MLLT3: variants seen among roughly 807,000 people sequenced by gnomAD.
MLLT3 encodes MLLT3 super elongation complex subunit.
A neutral mutation model predicts 53.2 loss-of-function variants in MLLT3; 4 were observed. The ratio of observed to expected loss-of-function variants is 0.08; its 90% CI spans 0.04 to 0.17. MLLT3 has a LOEUF of 0.17. Among genes scored for constraint, MLLT3 ranks in the 10% least tolerant of loss-of-function variants. The pLI is 1.00. For synonymous variants in MLLT3, 283 were observed against 230.6 expected (o/e 1.23, Z -2.06); for missense variants, 569 against 684.0 (o/e 0.83, Z 1.87).
At chr9:20,456,042 G>A (rs1248928574) in intron 3 of MLLT3, among the ~76,000 whole-genome samples, 1 of 150,400 alleles carries the variant, frequency 6.6e-6, no homozygotes, top group Non-Finnish European at 1.5e-5. Flanking sequence ...AGGTTCAAGT[G>A]ATTCTCTTGC....
chr9:20,568,472 A>AC, intron 2 of MLLT3, among the ~76,000 whole-genome samples: 1 of 152,158 alleles, frequency 6.6e-6, no homozygotes, highest in Admixed American at 6.6e-5. Flanking sequence ...TGTTCAGAAA[A>AC]TATTTATAAC....
Position 20,345,102 on chromosome 9 carries a change from C to T in MLLT3, c.*1341G>A. 1 of 220,812 alleles carries T rather than the reference C, an allele frequency of 4.5e-6. No individual in the cohort carries two copies. Among genetic ancestry groups the T allele is most frequent in the Admixed American group, 5.8e-5 (1 of 17,366 alleles). 13.7% of individuals were successfully genotyped at this position (220,812 alleles called of 1,614,324 possible). A position where few individuals can be genotyped will look rare whatever the true frequency, so the allele number is the denominator to read the frequency against. ...AAAATAATTTGCTTTCTTTTGCATG[C>T]CACAGGACAGATTTCTAGTTTCAAA... On this transcript the variant is annotated 3_prime_UTR_variant, in exon 11 of 11. Coordinates refer to ENST00000380338, the MANE Select transcript of MLLT3 (RefSeq NM_004529.4).
chr9:20,608,299 G>A (rs115261986), intron 2 of MLLT3, among the ~76,000 whole-genome samples: 2,291 of 151,732 alleles, frequency 0.015, 51 homozygotes, highest in African/African-American at 0.051. Flanking sequence ...TCAGATGTAG[G>A]CTCTAGAAAA....
At chr9:20,540,250 C>T (rs1208052829) in intron 2 of MLLT3, among the ~76,000 whole-genome samples, 2 of 152,134 alleles carry the variant, frequency 1.3e-5, no homozygotes, top group Admixed American at 6.6e-5. Context: ...CACTGGAGGA[C>T]GATGGCCCTC....
intron 2 of MLLT3, among the ~76,000 whole-genome samples, chr9:20,465,173 A>G (rs1178202769): frequency 6.6e-6 from 1 of 152,126 alleles, no homozygotes; most frequent in Non-Finnish European, 1.5e-5. Flanking sequence ...GTGAAAAGCT[A>G]TCTACACAAG....
intron 2 of MLLT3, among the ~76,000 whole-genome samples, chr9:20,593,354 A>G (rs142260041): frequency 6.6e-6 from 1 of 152,316 alleles, no homozygotes; most frequent in African/African-American, 2.4e-5. Context: ...ACAAACTTAT[A>G]GATATTTGAG....
rs138325831 is a variant in MLLT3 at position 20,429,941 on chromosome 9, G to A, written c.421-15516C>T. Among the ~76,000 whole-genome samples, 315 of 152,168 alleles carry A rather than the reference G, an allele frequency of 2.1e-3. 2 individuals are homozygous for A. The highest frequency in any genetic ancestry group is 7.1e-3 in the African/African-American group (296 of 41,518). On this transcript the variant is annotated intron_variant, in intron 4 of 10. Coordinates refer to ENST00000380338, the MANE Select transcript of MLLT3 (RefSeq NM_004529.4). ...AAATGCACTGGGGGGAAAAGGATAG[G>A]AAAATTGGAAATAAGACAGGTATGT... is the stretch of plus-strand genomic sequence containing the variant.
intron 2 of MLLT3, among the ~76,000 whole-genome samples, chr9:20,580,720 G>C (rs955971876): frequency 6.6e-6 from 1 of 152,120 alleles, no homozygotes; most frequent in Non-Finnish European, 1.5e-5. Context: ...CACAAACATG[G>C]CTAGAGGTAA....
intron 7 of MLLT3, among the ~76,000 whole-genome samples, chr9:20,362,002 C>T (rs1024667817): frequency 2.6e-5 from 4 of 152,156 alleles, no homozygotes; most frequent in African/African-American, 9.7e-5. Context: ...TTTTTCTTAA[C>T]TAAATTACAT....
chr9:20,508,085 AG>A (rs1016948980), intron 2 of MLLT3, among the ~76,000 whole-genome samples: 1 of 152,228 alleles, frequency 6.6e-6, no homozygotes, highest in African/African-American at 2.4e-5. Context: ...AAAATAGTTT[AG>A]CATCTGTCTC....
intron 2 of MLLT3, among the ~76,000 whole-genome samples, chr9:20,595,486 A>G (rs1036899553): frequency 2.0e-5 from 3 of 152,146 alleles, no homozygotes; most frequent in Non-Finnish European, 4.4e-5. Flanking sequence ...AAAATCAGAC[A>G]CAGGAAACAT....
At chr9:20,532,186 G>C (rs1313048962) in intron 2 of MLLT3, among the ~76,000 whole-genome samples, 1 of 151,904 alleles carries the variant, frequency 6.6e-6, no homozygotes, top group East Asian at 1.9e-4. Flanking sequence ...ATGTGATAAA[G>C]TCTTCACAAT....
chr9:20,396,506 C>T (rs934657943), intron 5 of MLLT3, among the ~76,000 whole-genome samples: 2 of 152,126 alleles, frequency 1.3e-5, no homozygotes, highest in African/African-American at 4.8e-5. Flanking sequence ...TTTCCCAGGT[C>T]TCAAGAGTCT....
At chr9:20,570,255 C>T (rs1292391037) in intron 2 of MLLT3, among the ~76,000 whole-genome samples, 2 of 152,138 alleles carry the variant, frequency 1.3e-5, no homozygotes, top group Non-Finnish European at 2.9e-5. Flanking sequence ...TTTATTTATA[C>T]AGTGACAACA....
chr9:20,554,977 A>G (rs7023874), intron 2 of MLLT3, among the ~76,000 whole-genome samples: 2,857 of 152,342 alleles, frequency 0.019, 90 homozygotes, highest in African/African-American at 0.064. Flanking sequence ...GTAAGAAACA[A>G]TAATTTTAAT....
At position 20,345,064 on chromosome 9, in the gene MLLT3, T is replaced by C. The variant is rs1054323095; in HGVS notation, c.*1379A>G. The C allele has an allele frequency of 4.6e-6, 1 of 217,458 alleles. No homozygotes were observed. The highest frequency in any genetic ancestry group is 9.2e-6 in the Non-Finnish European group (1 of 108,122). 13.5% of individuals were successfully genotyped at this position (217,458 alleles called of 1,614,324 possible). A position where few individuals can be genotyped will look rare whatever the true frequency, so the allele number is the denominator to read the frequency against. ...AATAATGACACCAAAAGTACTTTGG[T>C]TTTTTTCTTTTAAAAATAATTTGCT... On this transcript the variant is annotated 3_prime_UTR_variant, in exon 11 of 11. Transcript: ENST00000380338.
At chr9:20,567,764 C>G (rs1057227126) in intron 2 of MLLT3, among the ~76,000 whole-genome samples, 1 of 152,094 alleles carries the variant, frequency 6.6e-6, no homozygotes, top group African/African-American at 2.4e-5. Flanking sequence ...ATTAACCAAA[C>G]AGGTTTTTGG....
intron 2 of MLLT3, among the ~76,000 whole-genome samples, chr9:20,482,452 C>T (rs539764356): frequency 3.3e-5 from 5 of 152,308 alleles, no homozygotes; most frequent in African/African-American, 4.8e-5. Context: ...TTCCCCTTCT[C>T]GGGTCATTGG....
chr9:20,385,527 A>C (rs2118707750), intron 5 of MLLT3, among the ~76,000 whole-genome samples: 1 of 152,316 alleles, frequency 6.6e-6, no homozygotes, highest in South Asian at 2.1e-4. Context: ...TATGAATAAA[A>C]ATAACAAAAT....
Sources: gnomAD v4.1 joint callset for allele counts (sites outside exome capture counted in the v4.1 genomes callset) on GRCh38, gnomAD v4.1.1 for gene constraint, MANE v1.5 for transcripts, NCBI Gene and HGNC (gene_info 2026-07-23, HGNC 2026-07-21) for gene names.